The following SLC35F1 variants were observed in gnomAD, a reference collection of about 807,000 sequenced individuals.
SLC35F1 encodes solute carrier family 35 member F1, also known as chromosome 6 open reading frame 169.
In SLC35F1, 14 loss-of-function variants were observed where a neutral mutation model predicts 48.7. The ratio of observed to expected loss-of-function variants is 0.29; its 90% CI spans 0.19 to 0.45. The LOEUF is 0.45. SLC35F1 is among the 20% of genes least tolerant of loss of function. SLC35F1 has a pLI of 1.00. For missense variants in SLC35F1, 404 were observed against 500.0 expected (o/e 0.81, Z 1.83); for synonymous variants, 190 against 202.2 (o/e 0.94, Z 0.51).
intron 7 of SLC35F1, among the ~76,000 whole-genome samples, chr6:118,291,096 A>G (rs569626838): frequency 3.9e-5 from 6 of 152,048 alleles, no homozygotes; most frequent in African/African-American, 1.2e-4. Flanking sequence ...CCCAGCCAGA[A>G]AATTGACTTT....
At chr6:117,961,777 G>A (rs1776501598) in intron 1 of SLC35F1, among the ~76,000 whole-genome samples, 3 of 152,148 alleles carry the variant, frequency 2.0e-5, no homozygotes, top group Non-Finnish European at 4.4e-5. Context: ...TTCTAGGGTT[G>A]AACATACTAA....
chr6:117,964,762 G>A (rs759955756), intron 1 of SLC35F1, among the ~76,000 whole-genome samples: 6 of 152,182 alleles, frequency 3.9e-5, no homozygotes, highest in Non-Finnish European at 7.4e-5. Flanking sequence ...CAGGGATTTG[G>A]TCTAGGACTT....
chr6:118,002,215 T>C (rs993408644), intron 1 of SLC35F1, among the ~76,000 whole-genome samples: 11 of 151,858 alleles, frequency 7.2e-5, no homozygotes, highest in African/African-American at 1.9e-4. Flanking sequence ...TGTCCAACAT[T>C]GATAGACTGG....
At chr6:118,086,663 G>T (rs939974952) in intron 1 of SLC35F1, among the ~76,000 whole-genome samples, 1 of 152,158 alleles carries the variant, frequency 6.6e-6, no homozygotes, top group African/African-American at 2.4e-5. Context: ...CTCTAATTTA[G>T]GATGCTCTTA....
rs1176790135 is a variant in SLC35F1 at position 118,311,993 on chromosome 6, C to A, written c.1003-2035C>A. ...CTTATCTAATTTAATATTTTAACCACCCTATAGTAGGTGTGCTTTACTGAG... is the reference window on the plus strand; with the variant it reads ...CTTATCTAATTTAATATTTTAACCAACCTATAGTAGGTGTGCTTTACTGAG... On this transcript the variant is annotated intron_variant, in intron 7 of 7. Transcript: ENST00000360388. Among the ~76,000 whole-genome samples the A allele has an allele frequency of 5.3e-5, 8 of 152,228 alleles. No homozygotes were observed. In the East Asian group the frequency reaches 1.5e-3, roughly 29 times the overall value.
At chr6:117,921,090 A>T (rs1775893128) in intron 1 of SLC35F1, among the ~76,000 whole-genome samples, 1 of 147,690 alleles carries the variant, frequency 6.8e-6, no homozygotes, top group East Asian at 2.0e-4. Flanking sequence ...ACACACACAC[A>T]CTTACTTAGA....
intron 2 of SLC35F1, among the ~76,000 whole-genome samples, chr6:118,180,142 G>T (rs1459421056): frequency 6.6e-6 from 1 of 152,128 alleles, no homozygotes; most frequent in Non-Finnish European, 1.5e-5. Context: ...GGGCTAGAAA[G>T]CATATTATCT....
chr6:117,987,921 T>C (rs1368976621), intron 1 of SLC35F1, among the ~76,000 whole-genome samples: 1 of 151,762 alleles, frequency 6.6e-6, no homozygotes, highest in Non-Finnish European at 1.5e-5. Context: ...CTGAAAAAAA[T>C]AGTTGTTTTT....
chr6:117,990,656 G>T (rs7744988), intron 1 of SLC35F1, among the ~76,000 whole-genome samples: 94,456 of 152,042 alleles, frequency 0.62, 29,984 homozygotes, highest in East Asian at 0.81. Context: ...GTGCCTACTG[G>T]GTACTGAGTC....
chr6:118,028,757 C>T (rs1771994665), intron 1 of SLC35F1, among the ~76,000 whole-genome samples: 1 of 151,962 alleles, frequency 6.6e-6, no homozygotes, highest in African/African-American at 2.4e-5. Context: ...GAAAATAGTA[C>T]GTCCCAGGGA....
At chr6:117,931,097 C>G (rs143688039) in intron 1 of SLC35F1, among the ~76,000 whole-genome samples, 1 of 152,062 alleles carries the variant, frequency 6.6e-6, no homozygotes, top group Non-Finnish European at 1.5e-5. Flanking sequence ...GTAGACATTA[C>G]GTGTTATAAT....
At chr6:118,000,466 T>C (rs1264279110) in intron 1 of SLC35F1, among the ~76,000 whole-genome samples, 2 of 152,130 alleles carry the variant, frequency 1.3e-5, no homozygotes, top group Non-Finnish European at 2.9e-5. Flanking sequence ...ATAAGAGCTA[T>C]CTATGACAAA....
intron 1 of SLC35F1, among the ~76,000 whole-genome samples, chr6:117,973,991 C>T (rs958530898): frequency 6.6e-6 from 1 of 152,144 alleles, no homozygotes; most frequent in African/African-American, 2.4e-5. Flanking sequence ...TATGCATATC[C>T]AGGCCCAGTA....
intron 6 of SLC35F1, among the ~76,000 whole-genome samples, chr6:118,283,245 G>A (rs986829244): frequency 1.3e-5 from 2 of 152,028 alleles, no homozygotes; most frequent in Non-Finnish European, 2.9e-5. Context: ...TCTCCTTTTG[G>A]TCCTTCAGCA....
intron 6 of SLC35F1, among the ~76,000 whole-genome samples, chr6:118,283,030 G>C (rs559148261): frequency 6.6e-6 from 1 of 152,180 alleles, no homozygotes; most frequent in South Asian, 2.1e-4. Flanking sequence ...TGGCTTCCTC[G>C]TACAACTAGA....
At chr6:118,281,175 ACT>A (rs745677823) in intron 6 of SLC35F1, among the ~76,000 whole-genome samples, 6,808 of 137,458 alleles carry the variant, frequency 0.05, 236 homozygotes, top group African/African-American at 0.11. Context: ...ATATATAGTA[ACT>A]CTCTCTCTCT....
chr6:117,948,576 C>A (rs1342420120), intron 1 of SLC35F1, among the ~76,000 whole-genome samples: 1 of 152,024 alleles, frequency 6.6e-6, no homozygotes, highest in Non-Finnish European at 1.5e-5. Context: ...TATCACATAT[C>A]AAGTTTTGCA....
chr6:118,208,111 G>A (rs205921), intron 2 of SLC35F1, among the ~76,000 whole-genome samples: 10,179 of 124,124 alleles, frequency 0.082, 396 homozygotes, highest in South Asian at 0.16. Flanking sequence ...GCACACACAC[G>A]CGCGCGCGCG....
chr6:118,310,771 A>G (rs283040), intron 7 of SLC35F1, among the ~76,000 whole-genome samples: 88,262 of 151,958 alleles, frequency 0.58, 26,268 homozygotes, highest in African/African-American at 0.69. Flanking sequence ...TTAAAAATAA[A>G]CTATGTGTTA....
Sources: gnomAD v4.1 joint callset for allele counts (sites outside exome capture counted in the v4.1 genomes callset) on GRCh38, gnomAD v4.1.1 for gene constraint, MANE v1.5 for transcripts, NCBI Gene and HGNC (gene_info 2026-07-23, HGNC 2026-07-21) for gene names.